NRXN1: variants seen among roughly 807,000 people sequenced by gnomAD.
The protein encoded by NRXN1 is neurexin 1.
NRXN1 carries 39 observed loss-of-function variants against 150.9 expected under a neutral mutation model. The observed-to-expected ratio is 0.26, with a 90% CI of 0.20 to 0.34. The LOEUF (loss-of-function observed/expected upper bound fraction) is 0.34. NRXN1 is among the 10% of genes least tolerant of loss of function. The probability of loss-of-function intolerance (pLI) is 1.00; values close to 1 mark genes in which losing one functional copy is unlikely to be tolerated. For synonymous variants in NRXN1, 924 were observed against 757.0 expected, an observed-to-expected ratio of 1.22 and a Z score of -3.62; for missense variants, 1,815 against 1,949.9, an observed-to-expected ratio of 0.93 and a Z score of 1.30.
chr2:50,642,541 C>T (rs955954971), intron 5 of NRXN1, among the ~76,000 whole-genome samples: 4 of 151,720 alleles, frequency 2.6e-5, no homozygotes, highest in African/African-American at 9.7e-5. Context: ...TTGTTTCAGG[C>T]CAGCTTGTAA....
At chr2:50,373,690 G>GGAAGGAAAGAAAGAAA (rs1168453652) in intron 17 of NRXN1, among the ~76,000 whole-genome samples, 14 of 91,714 alleles carry the variant, frequency 1.5e-4, no homozygotes, top group African/African-American at 5.4e-4. Context: ...AAAGAAAGAA[G>GGAAGGAAAGAAAGAAA]GAAAGAAAGA....
intron 17 of NRXN1, among the ~76,000 whole-genome samples, chr2:50,267,000 G>A (rs1973753): frequency 0.12 from 18,670 of 152,090 alleles, 1,512 homozygotes; most frequent in Admixed American, 0.24. Context: ...TATTTAATTT[G>A]TGCACACCTT....
intron 5 of NRXN1, among the ~76,000 whole-genome samples, chr2:50,803,799 T>C (rs1220783099): frequency 2.0e-5 from 3 of 152,148 alleles, no homozygotes; most frequent in Non-Finnish European, 4.4e-5. Context: ...CAATTTCTTT[T>C]CTATGCTTAA....
intron 5 of NRXN1, among the ~76,000 whole-genome samples, chr2:50,847,775 C>A (rs1313755710): frequency 1.3e-5 from 2 of 152,100 alleles, no homozygotes; most frequent in African/African-American, 4.8e-5. Context: ...AAGAGCACAC[C>A]GACAGACGTC....
chr2:50,461,316 C>T (rs1276772728), intron 17 of NRXN1, among the ~76,000 whole-genome samples: 1 of 151,868 alleles, frequency 6.6e-6, no homozygotes, highest in African/African-American at 2.4e-5. Flanking sequence ...GCTGTAGCAC[C>T]AAAATAACAG....
intron 5 of NRXN1, among the ~76,000 whole-genome samples, chr2:50,708,852 T>C (rs1203546599): frequency 6.6e-6 from 1 of 152,126 alleles, no homozygotes; most frequent in East Asian, 1.9e-4. Flanking sequence ...GAAGAAACCC[T>C]AGGCTACAGA....
chr2:50,384,365 G>C (rs559220366), intron 17 of NRXN1, among the ~76,000 whole-genome samples: 58 of 152,060 alleles, frequency 3.8e-4, no homozygotes, highest in African/African-American at 1.1e-3. Context: ...AGTTAGCCAA[G>C]TGTGGTTGTA....
chr2:51,006,849 C>T lies in NRXN1; in HGVS notation c.772+20653G>A, dbSNP rs552282768. Among the ~76,000 whole-genome samples the T allele has an allele frequency of 2.3e-3, 352 of 152,004 alleles. 2 individuals are homozygous for T. Among genetic ancestry groups the T allele is most frequent in the Admixed American group, 4.6e-3 (70 of 15,218 alleles). ...CTAATTCCTATTCATATTCAAGTTT[C>T]GCCTTAGCTGTCTTATCCTCTAGGA... On this transcript the variant is annotated intron_variant, in intron 2 of 22. Transcript: ENST00000401669.
intron 2 of NRXN1, among the ~76,000 whole-genome samples, chr2:51,025,651 T>A (rs996906967): frequency 1.3e-5 from 2 of 152,198 alleles, no homozygotes; most frequent in Non-Finnish European, 2.9e-5. Context: ...ATGTTCATTT[T>A]AAAATTTGTT....
intron 17 of NRXN1, among the ~76,000 whole-genome samples, chr2:50,458,995 C>T (rs570168365): frequency 5.5e-4 from 83 of 152,118 alleles, no homozygotes; most frequent in Non-Finnish European, 9.3e-4. Flanking sequence ...GCATATAATA[C>T]ATATTAATTA....
At chr2:50,397,890 A>G (rs1308140093) in intron 17 of NRXN1, among the ~76,000 whole-genome samples, 1 of 152,168 alleles carries the variant, frequency 6.6e-6, no homozygotes, top group Admixed American at 6.5e-5. Flanking sequence ...ATGGCAATCA[A>G]TTAATTGACC....
At chr2:50,485,707 T>C (rs536489540) in intron 15 of NRXN1, among the ~76,000 whole-genome samples, 3 of 152,002 alleles carry the variant, frequency 2.0e-5, no homozygotes, top group African/African-American at 7.2e-5. Flanking sequence ...GTGGTAAGAG[T>C]CTGTGAGGAG....
chr2:50,187,890 T>G (rs2061191088), intron 18 of NRXN1, among the ~76,000 whole-genome samples: 1 of 152,150 alleles, frequency 6.6e-6, no homozygotes, highest in African/African-American at 2.4e-5. Context: ...GTTTGTCTAT[T>G]GCTGGTGTAT....
At chr2:50,848,132 AC>A (rs1407997002) in intron 5 of NRXN1, among the ~76,000 whole-genome samples, 2 of 151,826 alleles carry the variant, frequency 1.3e-5, no homozygotes, top group Non-Finnish European at 2.9e-5. Flanking sequence ...GTGAATATTC[AC>A]CCCTAGACAC....
At chr2:50,277,403 C>CCTTCCTTCCTTCCTTCCTTCCTTCCTT in intron 17 of NRXN1, among the ~76,000 whole-genome samples, 1 of 22,424 alleles carries the variant, frequency 4.5e-5, no homozygotes, top group Admixed American at 5.3e-4. Context: ...CTTCCTTCCT[C>CCTTCCTTCCTTCCTTCCTTCCTTCCTT]CCTCCTTCCC....
rs1387768584 is a variant in NRXN1 at position 50,374,202 on chromosome 2, G to A, written c.3364+91240C>T. ...AGTCCCAGCTACTCCGGAGGCTGAG[G>A]CAGGATGATTGCTTGAGTCCAGAAG... On this transcript the variant is annotated intron_variant, in intron 17 of 22. Transcript: ENST00000401669. Among the ~76,000 whole-genome samples the A allele has an allele frequency of 2.0e-5, 3 of 151,750 alleles. No homozygotes were observed. In the East Asian group the frequency reaches 5.8e-4, roughly 29 times the overall value.
chr2:49,966,524 T>TA (rs1676995490), intron 21 of NRXN1: 2 of 151,858 alleles, frequency 1.3e-5, no homozygotes, highest in Non-Finnish European at 2.9e-5. Context: ...TTTCTTTTTT[T>TA]TTTTTAAGGA....
At chr2:50,078,300 A>AT (rs1414852041) in intron 19 of NRXN1, among the ~76,000 whole-genome samples, 8 of 151,668 alleles carry the variant, frequency 5.3e-5, no homozygotes, top group African/African-American at 1.5e-4. Context: ...ATGTTTAATT[A>AT]TTTTTTTCTG....
chr2:50,469,507 A>G (rs1049357580), intron 16 of NRXN1, among the ~76,000 whole-genome samples: 2 of 151,522 alleles, frequency 1.3e-5, no homozygotes, highest in East Asian at 3.9e-4. Flanking sequence ...ATGGAGCCTA[A>G]GTGATTCCAG....
Sources: gnomAD v4.1 joint callset for allele counts (sites outside exome capture counted in the v4.1 genomes callset) on GRCh38, gnomAD v4.1.1 for gene constraint, MANE v1.5 for transcripts, NCBI Gene and HGNC (gene_info 2026-07-23, HGNC 2026-07-21) for gene names.